Variants in INO80 observed in about 807,000 individuals in gnomAD.
INO80 encodes the protein INO80 complex ATPase subunit, also known as chromatin-remodeling ATPase INO80.
A neutral mutation model predicts 203.4 loss-of-function variants in INO80; 20 were observed. The ratio of observed to expected loss-of-function variants is 0.10; its 90% CI spans 0.07 to 0.14. The LOEUF is 0.14. INO80 is among the 10% of genes least tolerant of loss of function. The pLI is 1.00. For missense variants in INO80, 1,419 were observed against 1,914.4 expected, an observed-to-expected ratio of 0.74 and a Z score of 4.83; for synonymous variants, 726 against 685.2, an observed-to-expected ratio of 1.06 and a Z score of -0.93.
chr15:41,012,558 T>C (rs1036070833), intron 27 of INO80, among the ~76,000 whole-genome samples: 73 of 772 alleles, frequency 0.095, 1 homozygote, highest in African/African-American at 0.11. Context: ...GCGAGACTCT[T>C]TTTAAAAAAA....
At chr15:41,074,697 A>T in intron 9 of INO80, 132 bp from the exon 10 acceptor site, 1 of 627,930 alleles carries the variant, frequency 1.6e-6, no homozygotes, top group South Asian at 2.3e-5. Flanking sequence ...AACATCACTG[A>T]TAAACAATTT....
chr15:41,058,189 T>A (rs894445766), intron 16 of INO80, among the ~76,000 whole-genome samples: 3 of 152,234 alleles, frequency 2.0e-5, no homozygotes, highest in African/African-American at 7.2e-5. Context: ...TCTATAGAAA[T>A]TTTCCCTGAA....
At chr15:41,028,500 A>G (rs1390542991) in intron 24 of INO80, among the ~76,000 whole-genome samples, 2 of 152,236 alleles carry the variant, frequency 1.3e-5, no homozygotes, top group African/African-American at 4.8e-5. Flanking sequence ...ATTTATTCAG[A>G]GTAATCAATA....
chr15:41,082,182 G>A (rs576696345), intron 7 of INO80, among the ~76,000 whole-genome samples: 10 of 150,740 alleles, frequency 6.6e-5, no homozygotes, highest in South Asian at 2.1e-4. Context: ...CTCAGGAGGC[G>A]GAGGCTGCAG....
At chr15:41,070,369 G>T in intron 13 of INO80, 98 bp downstream of exon 13, 1 of 1,038,548 alleles carries the variant, frequency 9.6e-7, no homozygotes, top group Non-Finnish European at 1.5e-6. Context: ...ATCTTGGAAT[G>T]CTACACAGCT....
chr15:41,070,971 C>A (rs1008864863), intron 12 of INO80, among the ~76,000 whole-genome samples: 20 of 152,156 alleles, frequency 1.3e-4, no homozygotes, highest in African/African-American at 4.3e-4. Context: ...GAGTTTGAGA[C>A]CAGTCTGGGC....
At chr15:40,980,506 G>T in intron 35 of INO80, 66 bp from the exon 36 acceptor site, 2 of 1,260,600 alleles carry the variant, frequency 1.6e-6, no homozygotes, top group Non-Finnish European at 2.3e-6. Context: ...GGAGCCTGTG[G>T]CCTTGGTTAC....
intron 24 of INO80, among the ~76,000 whole-genome samples, chr15:41,030,711 G>GTAGC (rs2044446697): frequency 6.6e-6 from 1 of 151,662 alleles, no homozygotes. Context: ...GTCTCACTCT[G>GTAGC]TAGCCCAGGC....
intron 1 of INO80, among the ~76,000 whole-genome samples, chr15:41,112,786 CAAAAAAAAAA>C (rs893121991): frequency 1.6e-4 from 3 of 19,200 alleles, no homozygotes; most frequent in East Asian, 2.2e-3. Context: ...GACTCCATCT[CAAAAAAAAAA>C]AAAAAAAAAA....
chr15:41,038,715 A>C (rs146009170), intron 24 of INO80, among the ~76,000 whole-genome samples: 2 of 152,302 alleles, frequency 1.3e-5, no homozygotes, highest in Non-Finnish European at 2.9e-5. Flanking sequence ...TCGGGTCTTT[A>C]GTACCTGACA....
At chr15:41,012,561 TAA>T (rs71104767) in intron 27 of INO80, among the ~76,000 whole-genome samples, 6 of 90,808 alleles carry the variant, frequency 6.6e-5, no homozygotes, top group African/African-American at 2.1e-4. Context: ...AGACTCTTTT[TAA>T]AAAAAAAAAA....
intron 29 of INO80, among the ~76,000 whole-genome samples, chr15:40,993,777 T>TG (rs1555397684): frequency 6.6e-6 from 1 of 151,288 alleles, no homozygotes; most frequent in East Asian, 1.9e-4. Context: ...AATAAATAAA[T>TG]AAAAAGAAAA....
At chr15:41,115,817 G>A (rs959514931) in intron 1 of INO80, among the ~76,000 whole-genome samples, 156 bp downstream of exon 1, 5 of 152,226 alleles carry the variant, frequency 3.3e-5, no homozygotes, top group African/African-American at 1.2e-4. Context: ...CCTGCGGGGA[G>A]TGTCCACACC....
chr15:41,009,286 G>A (rs1374569501), intron 27 of INO80, among the ~76,000 whole-genome samples: 1 of 149,566 alleles, frequency 6.7e-6, no homozygotes, highest in South Asian at 2.1e-4. Flanking sequence ...CAATGTGCAG[G>A]TTAGTTACAT....
chr15:41,096,403 C>A (rs2045724666), intron 1 of INO80, 50 bp from the exon 2 acceptor site: 1 of 1,310,668 alleles, frequency 7.6e-7, no homozygotes, highest in East Asian at 2.7e-5. Flanking sequence ...TCCATTCTCC[C>A]TTTCTCTTGC....
At chr15:41,082,779 G>A (rs911436187) in intron 7 of INO80, among the ~76,000 whole-genome samples, 1 of 152,128 alleles carries the variant, frequency 6.6e-6, no homozygotes, top group Non-Finnish European at 1.5e-5. Flanking sequence ...AGGTACTAAG[G>A]AGGCTGAGGT....
At chr15:41,048,061 T>C in intron 22 of INO80, 151 bp downstream of exon 22, 1 of 538,264 alleles carries the variant, frequency 1.9e-6, no homozygotes, top group Non-Finnish European at 3.3e-6. Context: ...AGATAACTAA[T>C]TTCCTTAATT....
At chr15:41,046,128 TA>T (rs2044755004) in intron 23 of INO80, among the ~76,000 whole-genome samples, 1 of 143,314 alleles carries the variant, frequency 7.0e-6, no homozygotes, top group African/African-American at 2.6e-5. Context: ...GAGAAAAGCC[TA>T]AACAGTTTAT....
chr15:41,047,020 T>G (rs2044779815), intron 23 of INO80, among the ~76,000 whole-genome samples: 1 of 149,628 alleles, frequency 6.7e-6, no homozygotes, highest in Non-Finnish European at 1.5e-5. Context: ...CAGGCTGGAG[T>G]GCAATGGCAT....
Sources: gnomAD v4.1 joint callset for allele counts (sites outside exome capture counted in the v4.1 genomes callset) on GRCh38, gnomAD v4.1.1 for gene constraint, MANE v1.5 for transcripts, NCBI Gene and HGNC (gene_info 2026-07-23, HGNC 2026-07-21) for gene names.